RTN4IP1: variants seen among roughly 807,000 people sequenced by gnomAD.
RTN4IP1 encodes NAD(P)H oxidoreductase RTN4IP1, mitochondrial.
A neutral mutation model predicts 46.6 loss-of-function variants in RTN4IP1; 32 were observed. That is an observed-to-expected ratio of 0.69 (90% CI 0.52 to 0.92). The LOEUF (loss-of-function observed/expected upper bound fraction) is 0.92. Among genes scored for constraint, RTN4IP1 ranks in the 40% least tolerant of loss-of-function variants. The probability of loss-of-function intolerance (pLI) is 0.00; values close to 1 mark genes in which losing one functional copy is unlikely to be tolerated. For synonymous variants in RTN4IP1, 167 were observed against 161.8 expected (o/e 1.03, Z -0.24); for missense variants, 424 against 485.8 (o/e 0.87, Z 1.20).
intron 4 of RTN4IP1, among the ~76,000 whole-genome samples, chr6:106,615,408 C>CAA (rs146479112): frequency 6.6e-6 from 1 of 150,436 alleles, no homozygotes; most frequent in South Asian, 2.1e-4. Context: ...AACCTAATAT[C>CAA]AAAAAAAAAG....
chr6:106,603,910 CT>C (rs1776001609), intron 4 of RTN4IP1, among the ~76,000 whole-genome samples: 1 of 152,128 alleles, frequency 6.6e-6, no homozygotes, highest in East Asian at 1.9e-4. Context: ...TGTTTGATAT[CT>C]GATACTGTAT....
rs775507799 is a variant in RTN4IP1, at chr6:106,629,438, G to A, written c.-417C>T. 3.4e-6 allele frequency: 2 copies of A among 592,446 alleles called. No homozygotes were observed. The highest frequency in any genetic ancestry group is 5.9e-6 in the Non-Finnish European group (2 of 339,622). 36.7% of individuals were successfully genotyped at this position (592,446 alleles called of 1,614,324 possible). On this transcript the variant is annotated 5_prime_UTR_variant, in exon 1 of 9. Coordinates refer to ENST00000369063, the MANE Select transcript of RTN4IP1 (RefSeq NM_032730.5). ...AATCGAACGCTTGCCGACTGCCGCC[G>A]CGACCCTGGCCCGGAATCTCCTTGC... is the stretch of plus-strand genomic sequence containing the variant.
chr6:106,597,802 G>A (rs1288305495), intron 5 of RTN4IP1, among the ~76,000 whole-genome samples: 16 of 150,852 alleles, frequency 1.1e-4, no homozygotes, highest in African/African-American at 1.7e-4. Flanking sequence ...CCACTAACTC[G>A]TCATCTAGCA....
intron 8 of RTN4IP1, among the ~76,000 whole-genome samples, chr6:106,574,962 G>A (rs1775188409): frequency 6.6e-6 from 1 of 152,182 alleles, no homozygotes; most frequent in African/African-American, 2.4e-5. Context: ...ATTCCCGTAA[G>A]TGACAATGGA....
At chr6:106,583,534 A>G (rs1218393010) in intron 7 of RTN4IP1, 114 bp from the exon 8 acceptor site, 1 of 787,768 alleles carries the variant, frequency 1.3e-6, no homozygotes, top group African/African-American at 1.7e-5. Flanking sequence ...TTCTCATTTC[A>G]TGCTGACAAA....
At chr6:106,592,697 G>A (rs1775693266) in intron 5 of RTN4IP1, among the ~76,000 whole-genome samples, 1 of 152,166 alleles carries the variant, frequency 6.6e-6, no homozygotes, top group South Asian at 2.1e-4. Context: ...GCCGAGACAG[G>A]TGGATCACCT....
chr6:106,579,947 G>C (rs923003120), intron 8 of RTN4IP1, among the ~76,000 whole-genome samples: 1 of 151,834 alleles, frequency 6.6e-6, no homozygotes, highest in African/African-American at 2.4e-5. Flanking sequence ...GGGCGCAGTG[G>C]CTCACGCCTG....
At chr6:106,614,992 C>A (rs904343426) in intron 4 of RTN4IP1, among the ~76,000 whole-genome samples, 1 of 121,488 alleles carries the variant, frequency 8.2e-6, no homozygotes, top group African/African-American at 3.1e-5. Flanking sequence ...GAAAATAGAC[C>A]TGAAGCAAAG....
intron 4 of RTN4IP1, among the ~76,000 whole-genome samples, chr6:106,605,583 G>C (rs1776044735): frequency 6.6e-6 from 1 of 152,076 alleles, no homozygotes; most frequent in South Asian, 2.1e-4. Flanking sequence ...GGAGGCCGAG[G>C]TGGGCAGATC....
intron 7 of RTN4IP1, among the ~76,000 whole-genome samples, chr6:106,584,045 T>C (rs564975642): frequency 6.6e-6 from 1 of 152,320 alleles, no homozygotes; most frequent in South Asian, 2.1e-4. Context: ...CAAATGAAGA[T>C]GAGTACAAAT....
intron 5 of RTN4IP1, among the ~76,000 whole-genome samples, chr6:106,596,998 T>C (rs575487943): frequency 3.7e-4 from 57 of 152,356 alleles, no homozygotes; most frequent in African/African-American, 1.3e-3. Context: ...TTTTTTCTTA[T>C]ATGGACACAT....
upstream of RTN4IP1, among the ~76,000 whole-genome samples, chr6:106,630,345 A>G (rs1489511388): frequency 6.6e-6 from 1 of 152,132 alleles, no homozygotes; most frequent in African/African-American, 2.4e-5. Flanking sequence ...CCCCGTCTTA[A>G]AAAAGCTCTG....
intron 1 of RTN4IP1, among the ~76,000 whole-genome samples, chr6:106,623,752 GATGTCTTTATTAACGTATTC>G (rs1210566771): frequency 3.3e-5 from 5 of 152,174 alleles, no homozygotes; most frequent in African/African-American, 9.7e-5. Flanking sequence ...CTTTGAAGAT[GATGTCTTTATTAACGTATTC>G]ATGTCTTTAT....
rs557634770 is a variant in RTN4IP1 at position 106,589,059 on chromosome 6, G to A, written c.807-1197C>T. 1.9e-3 allele frequency among the ~76,000 whole-genome samples: 274 copies of A among 147,288 alleles called. 1 individual carries two copies. The highest frequency in any genetic ancestry group is 6.3e-3 in the African/African-American group (252 of 39,728). ...CGGGAGGCAGAGGTTGTGGTGAGCC[G>A]AGGTCATGCCATTGCACTCCAGCCT... On this transcript the variant is annotated intron_variant, in intron 6 of 8. Transcript: ENST00000369063.
intron 5 of RTN4IP1, among the ~76,000 whole-genome samples, chr6:106,597,357 C>T (rs1775821560): frequency 1.3e-5 from 2 of 152,128 alleles, no homozygotes; most frequent in African/African-American, 4.8e-5. Context: ...TTATCTTTTT[C>T]TGTTTTTTTG....
intron 7 of RTN4IP1, 157 bp from the exon 8 acceptor site, chr6:106,583,577 CAG>C (rs1775418979): frequency 1.7e-6 from 1 of 594,838 alleles, no homozygotes; most frequent in South Asian, 1.9e-5. Context: ...CAATGACTGA[CAG>C]AGAATGGATG....
intron 8 of RTN4IP1, among the ~76,000 whole-genome samples, chr6:106,582,195 C>T (rs945013622): frequency 6.6e-6 from 1 of 152,160 alleles, no homozygotes; most frequent in African/African-American, 2.4e-5. Context: ...TAAAAAGCAG[C>T]CATTAGTTCC....
intron 4 of RTN4IP1, chr6:106,607,577 C>T (rs1156236332): frequency 2.0e-5 from 3 of 152,098 alleles, no homozygotes; most frequent in African/African-American, 7.2e-5. Context: ...TCTGAACAGA[C>T]ATTTCTCAAA....
chr6:106,605,494 G>A (rs913780919), intron 4 of RTN4IP1, among the ~76,000 whole-genome samples: 4 of 150,446 alleles, frequency 2.7e-5, no homozygotes, highest in Non-Finnish European at 5.9e-5. Flanking sequence ...TTACTGACAC[G>A]ATTGATAGTG....
Sources: gnomAD v4.1 joint callset for allele counts (sites outside exome capture counted in the v4.1 genomes callset) on GRCh38, gnomAD v4.1.1 for gene constraint, MANE v1.5 for transcripts, NCBI Gene and HGNC (gene_info 2026-07-23, HGNC 2026-07-21) for gene names.